The following NUDT3 variants were observed in gnomAD, a reference collection of about 807,000 sequenced individuals.
NUDT3 encodes nudix hydrolase 3.
A neutral mutation model predicts 23.6 loss-of-function variants in NUDT3; 9 were observed. The ratio of observed to expected loss-of-function variants is 0.38; its 90% confidence interval spans 0.23 to 0.66. The LOEUF (loss-of-function observed/expected upper bound fraction) is 0.66. NUDT3 is among the 30% of genes least tolerant of loss of function. NUDT3 has a pLI of 0.52. For missense variants in NUDT3, 172 were observed against 218.5 expected (o/e 0.79, Z 1.34); for synonymous variants, 86 against 82.6 (o/e 1.04, Z -0.22).
rs114587356 is a variant in NUDT3, at chr6:34,304,309, G to C, written c.211-8624C>G. 6.2e-3 allele frequency among the ~76,000 whole-genome samples: 936 copies of C among 150,900 alleles called. 11 individuals are homozygous for C. Among genetic ancestry groups the C allele is most frequent in the African/African-American group, 0.022 (884 of 41,116 alleles). On this transcript the variant is annotated intron_variant, in intron 2 of 4. Transcript: ENST00000607016. ...TCGCTGGGCATGGTGGCTCATACCT[G>C]TAATCCTAGCACTTTGGGAGGCTAA...
At chr6:34,383,585 A>C (rs1765058663) in intron 1 of NUDT3, among the ~76,000 whole-genome samples, 1 of 152,232 alleles carries the variant, frequency 6.6e-6, no homozygotes. Context: ...TGTGTGCTGA[A>C]GAAATGAATA....
At chr6:34,338,584 C>A (rs1251145535) in intron 2 of NUDT3, among the ~76,000 whole-genome samples, 3 of 152,170 alleles carry the variant, frequency 2.0e-5, no homozygotes, top group African/African-American at 7.2e-5. Context: ...GCTGAACGGA[C>A]AAATAACATT....
rs543332809 is a variant in NUDT3 at position 34,356,765 on chromosome 6, A to G, written c.100-14793T>C. On this transcript the variant is annotated intron_variant, in intron 1 of 4. Coordinates refer to ENST00000607016, the MANE Select transcript of NUDT3 (RefSeq NM_006703.4). ...TATATAATTATTTTTAGGTATAATT[A>G]TGGAATTGTGGGGGTTTTTTTTGTT... 2.6e-5 allele frequency among the ~76,000 whole-genome samples: 4 copies of G among 152,164 alleles called. No homozygotes were observed. The East Asian group carries it at 7.7e-4, about 29-fold the overall frequency.
chr6:34,375,016 T>C lies in NUDT3; in HGVS notation c.99+17248A>G, dbSNP rs368843562. ...GGAAATATATGAAACTTAAACAATA[T>C]AAATTCCACCTCCTTTTGAGCCCAC... On this transcript the variant is annotated intron_variant, in intron 1 of 4. Coordinates refer to ENST00000607016, the MANE Select transcript of NUDT3 (RefSeq NM_006703.4). 5.9e-5 allele frequency among the ~76,000 whole-genome samples: 9 copies of C among 152,276 alleles called. No homozygotes were observed. In the East Asian group the frequency reaches 1.2e-3, roughly 20 times the overall value.
rs373682174 is a variant in NUDT3, at chr6:34,287,330, CCTCCCTACCCCTCAAT to C, written c.*1407_*1422del. On this transcript the variant is annotated 3_prime_UTR_variant, in exon 5 of 5. Transcript: ENST00000607016. ...TAAGCCACGGATCAGTCAGTGTAGCCCTCCCTACCCCTCAATCTCAAGACCCTCTTACTTCCGAACT... is the reference window on the plus strand; with the variant it reads ...TAAGCCACGGATCAGTCAGTGTAGCCCTCAAGACCCTCTTACTTCCGAACT... 8 of 152,174 alleles carry C rather than the reference CCTCCCTACCCCTCAAT, an allele frequency of 5.3e-5. No individual in the cohort carries two copies. Among genetic ancestry groups the C allele is most frequent in the African/African-American group, 1.4e-4 (6 of 41,480 alleles). 9.4% of individuals were successfully genotyped at this position (152,174 alleles called of 1,614,324 possible).
chr6:34,341,143 A>G (rs1023987419), intron 2 of NUDT3, among the ~76,000 whole-genome samples: 2 of 152,224 alleles, frequency 1.3e-5, no homozygotes, highest in African/African-American at 4.8e-5. Context: ...CCTAAATGAG[A>G]TAACAAGAAA....
At chr6:34,305,985 G>A (rs572187604) in intron 2 of NUDT3, among the ~76,000 whole-genome samples, 3 of 152,052 alleles carry the variant, frequency 2.0e-5, no homozygotes, top group South Asian at 2.1e-4. Flanking sequence ...AAAAAATTAC[G>A]TATTCTTTGT....
rs117128516 is a variant in NUDT3, at chr6:34,316,065, C to T, written c.211-20380G>A. 1.2e-3 allele frequency among the ~76,000 whole-genome samples: 186 copies of T among 152,302 alleles called. 1 individual carries two copies. In the East Asian group the frequency reaches 0.013, roughly 11 times the overall value. On this transcript the variant is annotated intron_variant, in intron 2 of 4. Coordinates refer to ENST00000607016, the MANE Select transcript of NUDT3 (RefSeq NM_006703.4). The stretch of plus-strand genomic sequence containing the variant: ...TTTGTTTCGTAGAGACAGGTCTCTC[C>T]GTTGCCCTGGCTGGTCTTGAACTCC...
chr6:34,351,226 A>AAAAAAAAAAAAC (rs1554154786), intron 1 of NUDT3, among the ~76,000 whole-genome samples: 6 of 134,074 alleles, frequency 4.5e-5, no homozygotes, highest in South Asian at 2.4e-4. Context: ...AAAAAAAAAA[A>AAAAAAAAAAAAC]CACTTTGGGA....
At chr6:34,349,884 A>G (rs1444946977) in intron 1 of NUDT3, among the ~76,000 whole-genome samples, 1 of 150,338 alleles carries the variant, frequency 6.7e-6, no homozygotes, top group Non-Finnish European at 1.5e-5. Flanking sequence ...AGGTCAGGAG[A>G]TCGAGACCAT....
intron 2 of NUDT3, among the ~76,000 whole-genome samples, chr6:34,300,627 G>A (rs188312318): frequency 1.3e-5 from 2 of 152,212 alleles, no homozygotes; most frequent in African/African-American, 4.8e-5. Flanking sequence ...ACCATCATCT[G>A]ATCATAAGGG....
intron 2 of NUDT3, among the ~76,000 whole-genome samples, chr6:34,319,700 C>A (rs538706687): frequency 1.3e-5 from 2 of 152,284 alleles, no homozygotes; most frequent in East Asian, 3.9e-4. Context: ...GTAGGAAAAC[C>A]TAGCAAGGCC....
intron 1 of NUDT3, among the ~76,000 whole-genome samples, chr6:34,388,010 T>A (rs1765137051): frequency 6.6e-6 from 1 of 152,182 alleles, no homozygotes; most frequent in Non-Finnish European, 1.5e-5. Context: ...TGAACCATTT[T>A]TTATTTTTTG....
In NUDT3 at chr6:34,288,601, C is replaced by T; in HGVS notation, c.*152G>A. On this transcript the variant is annotated 3_prime_UTR_variant, in exon 5 of 5. Transcript: ENST00000607016. ...AAAAGCCCCATCACTTAACACCAAA[C>T]AGCAACATTATCAATACACCCTTTC... 1.9e-6 allele frequency: 2 copies of T among 1,064,264 alleles called. No individual in the cohort carries two copies. The highest frequency in any genetic ancestry group is 1.7e-5 in the South Asian group (1 of 57,338). 65.9% of individuals were successfully genotyped at this position (1,064,264 alleles called of 1,614,324 possible).
intron 1 of NUDT3, among the ~76,000 whole-genome samples, chr6:34,378,975 C>T (rs925179047): frequency 2.6e-5 from 4 of 152,174 alleles, no homozygotes; most frequent in African/African-American, 9.7e-5. Flanking sequence ...ATAGCACACC[C>T]TCCTCCAAGT....
chr6:34,352,555 A>C (rs1764494238), intron 1 of NUDT3, among the ~76,000 whole-genome samples: 1 of 152,206 alleles, frequency 6.6e-6, no homozygotes, highest in Non-Finnish European at 1.5e-5. Flanking sequence ...TTAGAACTAC[A>C]GGAATACACT....
At chr6:34,360,654 A>G (rs1418915790) in intron 1 of NUDT3, among the ~76,000 whole-genome samples, 1 of 152,224 alleles carries the variant, frequency 6.6e-6, no homozygotes, top group Non-Finnish European at 1.5e-5. Flanking sequence ...TAAGACTGGA[A>G]AAAGTTACTC....
intron 4 of NUDT3, 82 bp downstream of exon 4, chr6:34,293,369 G>C (rs1763452289): frequency 6.5e-7 from 1 of 1,548,678 alleles, no homozygotes; most frequent in Non-Finnish European, 8.9e-7. Flanking sequence ...GTACGCTCTT[G>C]TTTCTGGTTC....
rs547787373 is a variant in NUDT3, at chr6:34,343,101, T to C, written c.100-1129A>G. ...ATGAATCCATACTCAGTCACTAATA[T>C]ATAGGCCATGGACTGAAAACTTGTC... On this transcript the variant is annotated intron_variant, in intron 1 of 4. Transcript: ENST00000607016. Among the ~76,000 whole-genome samples the C allele has an allele frequency of 3.3e-3, 497 of 152,292 alleles. 4 individuals are homozygous for C. Among genetic ancestry groups the C allele is most frequent in the Middle Eastern group, 0.027 (8 of 294 alleles).
Sources: allele counts gnomAD v4.1 joint callset (sites outside exome capture counted in the v4.1 genomes callset), GRCh38; gene constraint gnomAD v4.1.1; transcripts MANE v1.5; gene names NCBI Gene and HGNC (gene_info 2026-07-23, HGNC 2026-07-21).